POLK: variants seen among roughly 807,000 people sequenced by gnomAD.
POLK encodes the protein polymerase (DNA directed) kappa.
Under a neutral mutation model 94.0 loss-of-function variants are expected in POLK, and 76 were observed. The observed-to-expected ratio is 0.81, with a 90% CI of 0.67 to 0.98. The LOEUF (loss-of-function observed/expected upper bound fraction) is 0.98. POLK is among the 50% of genes least tolerant of loss of function. POLK has a pLI of 0.00. For missense variants in POLK, 954 were observed against 1,010.1 expected (o/e 0.94, Z 0.75); for synonymous variants, 349 against 325.4 (o/e 1.07, Z -0.78).
chr5:75,511,323 G>A (rs1561317370), upstream of POLK: 3 of 1,547,894 alleles, frequency 1.9e-6, no homozygotes, highest in Non-Finnish European at 2.6e-6. Context: ...TGCCCGCTCC[G>A]GTGTGGGGGG....
chr5:75,563,844 G>A (rs138440043), intron 3 of POLK, among the ~76,000 whole-genome samples: 12 of 152,308 alleles, frequency 7.9e-5, no homozygotes, highest in African/African-American at 2.2e-4. Flanking sequence ...TAATTGCGAT[G>A]TGTTGCTGAG....
chr5:75,608,442 A>T, the POLK span, among the ~76,000 whole-genome samples: 14 of 152,118 alleles, frequency 9.2e-5, no homozygotes, highest in East Asian at 2.7e-3. Flanking sequence ...CCATCCTCCC[A>T]CTTCGGCCTC....
At chr5:75,515,578 C>G (rs1013030001) in intron 1 of POLK, among the ~76,000 whole-genome samples, 29 of 152,072 alleles carry the variant, frequency 1.9e-4, no homozygotes, top group African/African-American at 7.0e-4. Flanking sequence ...CGTGTGAGTG[C>G]AGATATCTCT....
intron 2 of POLK, among the ~76,000 whole-genome samples, chr5:75,551,469 G>T (rs1770329200): frequency 6.6e-6 from 1 of 151,872 alleles, no homozygotes; most frequent in South Asian, 2.1e-4. Context: ...AAACACATAT[G>T]TGATAAAAGA....
intron 1 of POLK, among the ~76,000 whole-genome samples, chr5:75,530,396 C>CTTTTTTTTTTTTTTTTTTTTTTTTTTT (rs201266079): frequency 1.6e-5 from 1 of 61,618 alleles, no homozygotes; most frequent in African/African-American, 6.7e-5. Flanking sequence ...TTCCCTTTTT[C>CTTTTTTTTTTTTTTTTTTTTTTTTTTT]TTTTTTTTTT....
intron 6 of POLK, among the ~76,000 whole-genome samples, chr5:75,580,275 G>A (rs1036496831): frequency 1.3e-5 from 2 of 151,646 alleles, no homozygotes; most frequent in African/African-American, 2.4e-5. Flanking sequence ...ATAAAATTAC[G>A]AGATGGGATC....
At chr5:75,595,149 G>A (rs1375593804) in intron 12 of POLK, among the ~76,000 whole-genome samples, 1 of 150,644 alleles carries the variant, frequency 6.6e-6, no homozygotes, top group African/African-American at 2.5e-5. Flanking sequence ...CTACTTGAGA[G>A]GCTGAGGCAG....
chr5:75,608,624 A>T, the POLK span, among the ~76,000 whole-genome samples: 1 of 152,252 alleles, frequency 6.6e-6, no homozygotes, highest in African/African-American at 2.4e-5. Flanking sequence ...GGAATGGAAC[A>T]TGAAGGTAGG....
intron 3 of POLK, among the ~76,000 whole-genome samples, chr5:75,561,161 C>T (rs1770952767): frequency 6.6e-6 from 1 of 152,184 alleles, no homozygotes; most frequent in Non-Finnish European, 1.5e-5. Context: ...TTCTCCACAT[C>T]CTCTCCAGCA....
chr5:75,519,023 G>A (rs1486532612), intron 1 of POLK, among the ~76,000 whole-genome samples: 1 of 152,046 alleles, frequency 6.6e-6, no homozygotes, highest in Non-Finnish European at 1.5e-5. Context: ...CCCAGGTATT[G>A]TTGTGCTGCC....
chr5:75,563,128 ATTG>A (rs1304883045), intron 3 of POLK, among the ~76,000 whole-genome samples: 1 of 152,072 alleles, frequency 6.6e-6, no homozygotes, highest in East Asian at 1.9e-4. Flanking sequence ...TCAGCTGTGA[ATTG>A]TTGTGTTTTT....
chr5:75,559,508 TTTTTGTTTTGTTTTG>T (rs1202250676), intron 3 of POLK, among the ~76,000 whole-genome samples: 4 of 146,902 alleles, frequency 2.7e-5, no homozygotes, highest in Non-Finnish European at 4.5e-5. Context: ...GGGGTTTGTT[TTTTTGTTTTGTTTTG>T]TTTTTTTTTT....
intron 6 of POLK, among the ~76,000 whole-genome samples, chr5:75,580,823 C>T (rs942362285): frequency 5.4e-5 from 8 of 148,684 alleles, no homozygotes; most frequent in Admixed American, 6.7e-5. Flanking sequence ...TTCTAATTTT[C>T]GAAGATTCTT....
intron 11 of POLK, among the ~76,000 whole-genome samples, chr5:75,593,655 G>A (rs188979857): frequency 4.6e-5 from 7 of 152,048 alleles, no homozygotes; most frequent in Admixed American, 3.9e-4. Flanking sequence ...ACTAGCCTGG[G>A]TAACATAGTG....
intron 10 of POLK, among the ~76,000 whole-genome samples, chr5:75,588,956 T>A (rs1772610542): frequency 6.6e-6 from 1 of 152,174 alleles, no homozygotes; most frequent in Non-Finnish European, 1.5e-5. Context: ...GTTCACAGAT[T>A]CCAGGGATTA....
At chr5:75,585,725 G>C (rs1772434427) in intron 9 of POLK, among the ~76,000 whole-genome samples, 1 of 152,152 alleles carries the variant, frequency 6.6e-6, no homozygotes, top group Admixed American at 6.5e-5. Flanking sequence ...AATTTTAAAA[G>C]ACTGGGAATC....
chr5:75,537,154 T>C (rs569856509), intron 1 of POLK, among the ~76,000 whole-genome samples: 1 of 152,340 alleles, frequency 6.6e-6, no homozygotes, highest in South Asian at 2.1e-4. Context: ...TGGCGGCCTC[T>C]ATTGAGGCTA....
At chr5:75,578,803 C>A (rs771493431) in intron 6 of POLK, among the ~76,000 whole-genome samples, 6 of 152,200 alleles carry the variant, frequency 3.9e-5, no homozygotes, top group Non-Finnish European at 8.8e-5. Context: ...ACTACCATCT[C>A]TACATACAAA....
chr5:75,532,250 C>G (rs1331415492), intron 1 of POLK, among the ~76,000 whole-genome samples: 1 of 152,148 alleles, frequency 6.6e-6, no homozygotes, highest in African/African-American at 2.4e-5. Context: ...ACCCTCCACC[C>G]TCAAGTAGGC....
Sources: gnomAD v4.1 joint callset for allele counts (sites outside exome capture counted in the v4.1 genomes callset) on GRCh38, gnomAD v4.1.1 for gene constraint, MANE v1.5 for transcripts, NCBI Gene and HGNC (gene_info 2026-07-23, HGNC 2026-07-21) for gene names.